BICDL1: variants seen among roughly 807,000 people sequenced by gnomAD.
BICDL1 encodes the protein BICD family-like cargo adapter 1.
BICDL1 carries 20 observed loss-of-function variants against 76.8 expected under a neutral mutation model. That is an observed-to-expected ratio of 0.26 (90% CI 0.18 to 0.38). The LOEUF (loss-of-function observed/expected upper bound fraction) is 0.38. Ranked by LOEUF, BICDL1 falls within the 10% of genes least tolerant of loss-of-function variation. BICDL1 has a pLI of 1.00. For missense variants in BICDL1, 700 were observed against 798.6 expected, an observed-to-expected ratio of 0.88 and a Z score of 1.49; for synonymous variants, 383 against 337.1, an observed-to-expected ratio of 1.14 and a Z score of -1.49.
chr12:120,093,005 C>T lies in BICDL1; in HGVS notation c.1710C>T (p.Asp570=), dbSNP rs1226351635. 2 of 1,560,676 alleles carry T rather than the reference C, an allele frequency of 1.3e-6. No individual in the cohort carries two copies. The highest frequency in any genetic ancestry group is 1.7e-6 in the Non-Finnish European group (2 of 1,151,418). ...LSQQLEAWQD[D]MHRVIDRQLM... ...CTGTCCCCTCCCCTCTGCAGGATGACATGCACAGGGTCATTGACCGGCAGC... is the reference window on the plus strand; with the variant it reads ...CTGTCCCCTCCCCTCTGCAGGATGATATGCACAGGGTCATTGACCGGCAGC... The change falls in exon 10 of 10, where the codon GAC becomes GAT. Residue 570 remains aspartate (D), a synonymous_variant. Transcript: ENST00000548673.
At position 120,093,182 on chromosome 12, in the gene BICDL1, C is replaced by CA; in HGVS notation, c.*24dup. ...TTTAAGTTGGGAGGAGTCAGGCCAC[C>CA]AAAGATGGGTGGACTGGAGGCAGCT... On this transcript the variant is annotated 3_prime_UTR_variant, in exon 10 of 10. Coordinates refer to ENST00000548673, the MANE Select transcript of BICDL1 (RefSeq NM_001367886.1). 1 of 1,567,178 alleles carries CA rather than the reference C, an allele frequency of 6.4e-7. No homozygotes were observed. Among genetic ancestry groups the CA allele is most frequent in the East Asian group, 2.4e-5 (1 of 41,858 alleles).
chr12:120,083,777 A>G (rs1874182179), intron 8 of BICDL1, among the ~76,000 whole-genome samples: 1 of 151,836 alleles, frequency 6.6e-6, no homozygotes, highest in Admixed American at 6.6e-5. Flanking sequence ...CTCCTGCCTC[A>G]GCCAAGTAGC....
At chr12:120,035,753 C>T (rs1018978303) in intron 2 of BICDL1, among the ~76,000 whole-genome samples, 1 of 152,186 alleles carries the variant, frequency 6.6e-6, no homozygotes, top group South Asian at 2.1e-4. Context: ...AACCACCACA[C>T]AGGTTAAGAA....
intron 2 of BICDL1, among the ~76,000 whole-genome samples, chr12:119,999,207 T>C (rs1805789049): frequency 6.6e-6 from 1 of 152,104 alleles, no homozygotes; most frequent in Non-Finnish European, 1.5e-5. Context: ...ATTACTGAAC[T>C]AGGGGTCAGG....
At chr12:120,003,175 AACAGT>A (rs1339223887) in intron 2 of BICDL1, among the ~76,000 whole-genome samples, 1 of 145,668 alleles carries the variant, frequency 6.9e-6, no homozygotes, top group Non-Finnish European at 1.5e-5. Context: ...AAAAAAAAAA[AACAGT>A]CGGTAGGGAA....
At chr12:120,083,487 T>C (rs1051255201) in intron 8 of BICDL1, among the ~76,000 whole-genome samples, 6 of 152,090 alleles carry the variant, frequency 3.9e-5, no homozygotes, top group Non-Finnish European at 8.8e-5. Flanking sequence ...GGTCTTGAAC[T>C]CCTGAGCTCC....
At chr12:120,011,929 A>G (rs993677092) in intron 2 of BICDL1, among the ~76,000 whole-genome samples, 29 of 152,292 alleles carry the variant, frequency 1.9e-4, no homozygotes, top group East Asian at 1.3e-3. Context: ...CTGGGTTTCA[A>G]TTTCTGTCAG....
At chr12:120,039,774 G>A (rs1336426172) in intron 2 of BICDL1, among the ~76,000 whole-genome samples, 1 of 152,016 alleles carries the variant, frequency 6.6e-6, no homozygotes, top group Non-Finnish European at 1.5e-5. Flanking sequence ...GGAGGAGTTT[G>A]GGCTCTTCCA....
chr12:120,041,841 G>A (rs1952648818), intron 2 of BICDL1, among the ~76,000 whole-genome samples: 2 of 152,186 alleles, frequency 1.3e-5, no homozygotes, highest in African/African-American at 4.8e-5. Context: ...AGAGAATGCA[G>A]CGGAGAAAAG....
At chr12:120,062,638 C>T (rs78266646) in intron 3 of BICDL1, among the ~76,000 whole-genome samples, 8,444 of 152,158 alleles carry the variant, frequency 0.055, 457 homozygotes, top group African/African-American at 0.14. Context: ...TTGCCCTGCT[C>T]GGTAAATGAC....
chr12:120,059,041 A>C (rs1594180714), intron 2 of BICDL1, among the ~76,000 whole-genome samples: 1 of 152,312 alleles, frequency 6.6e-6, no homozygotes, highest in East Asian at 1.9e-4. Flanking sequence ...AGATAGTATT[A>C]CAGTACTAAT....
intron 1 of BICDL1, chr12:119,992,464 C>G (rs1951544501): frequency 1.3e-5 from 2 of 152,210 alleles, no homozygotes; most frequent in South Asian, 4.1e-4. Flanking sequence ...AGTGGCTGAT[C>G]ATGGCTTACT....
chr12:120,042,121 T>A (rs1268892863), intron 2 of BICDL1, among the ~76,000 whole-genome samples: 1 of 151,448 alleles, frequency 6.6e-6, no homozygotes, highest in Non-Finnish European at 1.5e-5. Flanking sequence ...GATGGGAGAG[T>A]GGAGGCGGGA....
At chr12:120,054,658 CTT>C (rs1304921745) in intron 2 of BICDL1, among the ~76,000 whole-genome samples, 3 of 152,108 alleles carry the variant, frequency 2.0e-5, no homozygotes, top group Non-Finnish European at 1.5e-5. Context: ...GGGCGGATCA[CTT>C]GAGATCAGGA....
At chr12:120,081,089 TTTAAA>T in intron 8 of BICDL1, 72 bp downstream of exon 8, 1 of 1,488,628 alleles carries the variant, frequency 6.7e-7, no homozygotes, top group Non-Finnish European at 9.2e-7. Flanking sequence ...TGCTCAATTT[TTTAAA>T]TTAAATCATA....
intron 4 of BICDL1, among the ~76,000 whole-genome samples, chr12:120,069,729 A>C (rs1002226629): frequency 1.2e-4 from 19 of 152,200 alleles, no homozygotes; most frequent in African/African-American, 4.6e-4. Flanking sequence ...AAAGCATACA[A>C]ATCTTAAGGG....
chr12:120,080,960 A>G lies in BICDL1; in HGVS notation c.1526A>G (p.Lys509Arg), dbSNP rs577466716. ...CGACTCAGAGTCACTTCTGAGGACA[A>G]GGAGCCAAAGGAGCAGCTTCAGAAG... ...RDRLRVTSEDKEPKEQLQKAI... is the reference protein window; with the variant it reads ...RDRLRVTSEDREPKEQLQKAI... The change falls in exon 8 of 10, where the codon AAG (lysine) becomes AGG (arginine). Residue 509 changes from lysine to arginine, a missense_variant. Transcript: ENST00000548673. 458 of 1,613,928 alleles carry G rather than the reference A, an allele frequency of 2.8e-4. 7 individuals are homozygous for G. In the South Asian group the frequency reaches 4.4e-3, roughly 15 times the overall value.
chr12:120,085,655 C>A (rs1391847441), intron 8 of BICDL1, among the ~76,000 whole-genome samples: 3 of 151,682 alleles, frequency 2.0e-5, no homozygotes, highest in Non-Finnish European at 2.9e-5. Flanking sequence ...ACTAAAAATA[C>A]AAATAAAAAA....
At chr12:120,070,873 A>C (rs1178365519) in intron 4 of BICDL1, among the ~76,000 whole-genome samples, 1 of 151,052 alleles carries the variant, frequency 6.6e-6, no homozygotes, top group Non-Finnish European at 1.5e-5. Context: ...CTGGGATTAC[A>C]GGCGCCTGCC....
Sources: gnomAD v4.1 joint callset for allele counts (sites outside exome capture counted in the v4.1 genomes callset) on GRCh38, gnomAD v4.1.1 for gene constraint, MANE v1.5 for transcripts, NCBI Gene and HGNC (gene_info 2026-07-23, HGNC 2026-07-21) for gene names.